The following OTUD7A variants were observed in gnomAD, a reference collection of about 807,000 sequenced individuals.
OTUD7A encodes OTU deubiquitinase 7A, also known as OTU domain-containing protein 7A.
A neutral mutation model predicts 65.7 loss-of-function variants in OTUD7A; 12 were observed. That is an observed-to-expected ratio of 0.18 (90% confidence interval 0.12 to 0.30). OTUD7A has a LOEUF of 0.30. Among genes scored for constraint, OTUD7A ranks in the 10% least tolerant of loss-of-function variants. The pLI is 1.00. For synonymous variants in OTUD7A, 641 were observed against 586.3 expected (o/e 1.09, Z -1.35); for missense variants, 1,148 against 1,304.8 (o/e 0.88, Z 1.85).
At chr15:31,863,453 C>G (rs1182184928) in intron 1 of OTUD7A, among the ~76,000 whole-genome samples, 1 of 152,224 alleles carries the variant, frequency 6.6e-6, no homozygotes, top group East Asian at 1.9e-4. Flanking sequence ...CTTCTGAAAT[C>G]TAGGTGGAGG....
At chr15:31,804,698 C>T (rs1896223313) in intron 1 of OTUD7A, among the ~76,000 whole-genome samples, 2 of 152,162 alleles carry the variant, frequency 1.3e-5, no homozygotes, top group Non-Finnish European at 2.9e-5. Context: ...AAGAAACTCT[C>T]CTTCCCCAGA....
At chr15:31,811,585 G>C (rs948617945) in intron 1 of OTUD7A, among the ~76,000 whole-genome samples, 4 of 152,126 alleles carry the variant, frequency 2.6e-5, no homozygotes. Context: ...GGCATGTGTG[G>C]CTGGAAAAGG....
chr15:31,788,709 C>G (rs1335269684), intron 1 of OTUD7A, among the ~76,000 whole-genome samples: 1 of 152,094 alleles, frequency 6.6e-6, no homozygotes, highest in African/African-American at 2.4e-5. Context: ...TTTTTATAAA[C>G]ATTGCAGCAA....
intron 8 of OTUD7A, among the ~76,000 whole-genome samples, chr15:31,514,920 G>A (rs1169997815): frequency 6.6e-6 from 1 of 152,220 alleles, no homozygotes; most frequent in Non-Finnish European, 1.5e-5. Context: ...GTGCTCCTGG[G>A]TGTGCATTTT....
intron 8 of OTUD7A, among the ~76,000 whole-genome samples, chr15:31,525,874 G>C (rs1053672108): frequency 6.6e-6 from 1 of 152,204 alleles, no homozygotes; most frequent in Non-Finnish European, 1.5e-5. Context: ...GAAACACCAG[G>C]CTAGCTTAAT....
At chr15:31,564,087 A>AT (rs1283618187) in intron 4 of OTUD7A, among the ~76,000 whole-genome samples, 1 of 143,688 alleles carries the variant, frequency 7.0e-6, no homozygotes, top group African/African-American at 2.5e-5. Flanking sequence ...AACAATAATA[A>AT]AGACAAAGAA....
At chr15:31,746,778 G>A (rs1440736114) in intron 1 of OTUD7A, among the ~76,000 whole-genome samples, 1 of 152,206 alleles carries the variant, frequency 6.6e-6, no homozygotes, top group Non-Finnish European at 1.5e-5. Flanking sequence ...TTACAGGCAT[G>A]AGCCACCAGG....
chr15:31,853,827 T>C (rs1003033917), intron 1 of OTUD7A, among the ~76,000 whole-genome samples: 4 of 152,154 alleles, frequency 2.6e-5, no homozygotes, highest in African/African-American at 9.7e-5. Context: ...TCATCCTTCT[T>C]CTTCAACAAA....
chr15:31,766,270 C>G, intron 1 of OTUD7A: 1 of 1,599,962 alleles, frequency 6.3e-7, no homozygotes. Context: ...CCCATTGCAT[C>G]ATGAAGTTTG....
chr15:31,485,141 C>T (rs965503713), intron 12 of OTUD7A, among the ~76,000 whole-genome samples: 1 of 152,186 alleles, frequency 6.6e-6, no homozygotes, highest in East Asian at 1.9e-4. Context: ...CTGGCCTTCC[C>T]CCACTGGCAA....
chr15:31,852,433 T>C (rs956572166), intron 1 of OTUD7A, among the ~76,000 whole-genome samples: 2 of 152,216 alleles, frequency 1.3e-5, no homozygotes, highest in African/African-American at 2.4e-5. Context: ...TGTTAACATA[T>C]AACTATTTTA....
intron 3 of OTUD7A, among the ~76,000 whole-genome samples, chr15:31,600,848 CA>C (rs1890052360): frequency 6.6e-6 from 1 of 152,078 alleles, no homozygotes; most frequent in South Asian, 2.1e-4. Context: ...CAACAAAGAT[CA>C]AAAGAGACAA....
intron 1 of OTUD7A, among the ~76,000 whole-genome samples, chr15:31,672,483 C>A (rs1892505321): frequency 6.6e-6 from 1 of 152,210 alleles, no homozygotes; most frequent in East Asian, 1.9e-4. Flanking sequence ...TGAGTGCCCA[C>A]AATTACATTG....
intron 1 of OTUD7A, among the ~76,000 whole-genome samples, chr15:31,854,434 C>G (rs1897514306): frequency 6.6e-6 from 1 of 152,212 alleles, no homozygotes; most frequent in African/African-American, 2.4e-5. Flanking sequence ...GGTCATTATT[C>G]TGCCCACCAT....
intron 1 of OTUD7A, among the ~76,000 whole-genome samples, chr15:31,685,993 C>T (rs1305570324): frequency 1.3e-5 from 2 of 152,214 alleles, no homozygotes; most frequent in African/African-American, 4.8e-5. Context: ...TGAATTTATA[C>T]TTATGCCATC....
At chr15:31,747,117 T>G (rs1894502230) in intron 1 of OTUD7A, among the ~76,000 whole-genome samples, 2 of 152,178 alleles carry the variant, frequency 1.3e-5, no homozygotes, top group South Asian at 4.1e-4. Flanking sequence ...GTATTCTAGA[T>G]TTGAACAAAT....
chr15:31,704,183 A>G (rs1893276084), intron 1 of OTUD7A, among the ~76,000 whole-genome samples: 2 of 124,066 alleles, frequency 1.6e-5, no homozygotes, highest in African/African-American at 5.5e-5. Flanking sequence ...GTTTTGCACA[A>G]TGCTACCATT....
At chr15:31,550,226 CAAT>C (rs1888276284) in intron 5 of OTUD7A, among the ~76,000 whole-genome samples, 1 of 152,002 alleles carries the variant, frequency 6.6e-6, no homozygotes, top group South Asian at 2.1e-4. Context: ...TGTTTTAGCC[CAAT>C]AATGACTGTA....
chr15:31,643,371 C>A (rs1174797848), intron 3 of OTUD7A, among the ~76,000 whole-genome samples: 1 of 151,838 alleles, frequency 6.6e-6, no homozygotes, highest in Non-Finnish European at 1.5e-5. Flanking sequence ...TTCATGTTCA[C>A]TAACCTTTCT....
Sources: gnomAD v4.1 joint callset for allele counts (sites outside exome capture counted in the v4.1 genomes callset) on GRCh38, gnomAD v4.1.1 for gene constraint, MANE v1.5 for transcripts, NCBI Gene and HGNC (gene_info 2026-07-23, HGNC 2026-07-21) for gene names.